The following FOXK1 variants were observed in gnomAD, a reference collection of about 807,000 sequenced individuals.
FOXK1 encodes the protein forkhead box protein K1.
A neutral mutation model predicts 51.9 loss-of-function variants in FOXK1; 19 were observed. The observed-to-expected ratio is 0.37, with a 90% CI of 0.26 to 0.54. FOXK1 has a LOEUF of 0.54. Among genes scored for constraint, FOXK1 ranks in the 20% least tolerant of loss-of-function variants. FOXK1 has a pLI of 0.87. For synonymous variants in FOXK1, 537 were observed against 482.6 expected, an observed-to-expected ratio of 1.11 and a Z score of -1.48; for missense variants, 870 against 1,032.7, an observed-to-expected ratio of 0.84 and a Z score of 2.16.
rs1177704349 is a variant in FOXK1 at position 4,707,267 on chromosome 7, G to C, written c.560+24399G>C. ...GGGGTGGTGTTCTGGTGGAGGGGAC[G>C]CTGGTAAAGAGCAGGTCTGGCTCAG... On this transcript the variant is annotated intron_variant, in intron 1 of 8. Coordinates refer to ENST00000328914, the MANE Select transcript of FOXK1 (RefSeq NM_001037165.2). The surrounding 1 kb of genome is among the most constrained non-coding windows in gnomAD (Gnocchi z 4.1). Among the ~76,000 whole-genome samples, 1 of 152,184 alleles carries C rather than the reference G, an allele frequency of 6.6e-6. No individual in the cohort carries two copies. The highest frequency in any genetic ancestry group is 2.4e-5 in the African/African-American group (1 of 41,434).
intron 1 of FOXK1, among the ~76,000 whole-genome samples, chr7:4,712,321 T>A (rs953966705): frequency 5.3e-5 from 8 of 152,064 alleles, no homozygotes; most frequent in African/African-American, 1.5e-4. Flanking sequence ...TTAAAGGGAA[T>A]GTAAAAAGGG....
At position 4,761,438 on chromosome 7, in the gene FOXK1, T is replaced by A; in HGVS notation, c.1921+150T>A. On this transcript the variant is annotated intron_variant, in intron 8 of 8. Coordinates refer to ENST00000328914, the MANE Select transcript of FOXK1 (RefSeq NM_001037165.2). This position sits in a 1 kb window ranked among gnomAD's most constrained non-coding sequence, Gnocchi z 6.2. ...TGCTATACTCCAGGCACTGGGGTAA[T>A]GCAAAGAAAAAGAGGGTGGAAGGGG... The A allele has an allele frequency of 6.8e-6, 6 of 883,914 alleles. No homozygotes were observed. Among genetic ancestry groups the A allele is most frequent in the Admixed American group, 4.9e-5 (2 of 41,208 alleles). 54.8% of individuals were successfully genotyped at this position (883,914 alleles called of 1,614,324 possible).
chr7:4,687,211 C>T (rs1024055704), intron 1 of FOXK1, among the ~76,000 whole-genome samples: 2 of 152,004 alleles, frequency 1.3e-5, no homozygotes, highest in Non-Finnish European at 1.5e-5. Context: ...GGATTACAGG[C>T]GTGAGCCACC....
chr7:4,707,611 A>G lies in FOXK1; in HGVS notation c.560+24743A>G, dbSNP rs1190975426. 2.0e-5 allele frequency among the ~76,000 whole-genome samples: 3 copies of G among 151,580 alleles called. No homozygotes were observed. The highest frequency in any genetic ancestry group is 4.9e-5 in the African/African-American group (2 of 41,202). ...GGGTTTTCCTGGAGAAGGCTGCCTC[A>G]CTGGGTCTTTGCAGTTGGCGTGTTC... On this transcript the variant is annotated intron_variant, in intron 1 of 8. Coordinates refer to ENST00000328914, the MANE Select transcript of FOXK1 (RefSeq NM_001037165.2). This position sits in a 1 kb window ranked among gnomAD's most constrained non-coding sequence, Gnocchi z 4.1.
Position 4,730,204 on chromosome 7 carries a change from C to G in FOXK1, c.561-10634C>G. 6.6e-6 allele frequency among the ~76,000 whole-genome samples: 1 copy of G among 152,172 alleles called. No homozygotes were observed. Among genetic ancestry groups the G allele is most frequent in the East Asian group, 1.9e-4 (1 of 5,196 alleles). ...ATTAGGCCCTATGAACGCATAAGAA[C>G]TTATAAACACTAAAACTGCTACCGG... is the stretch of plus-strand genomic sequence containing the variant. On this transcript the variant is annotated intron_variant, in intron 1 of 8. Transcript: ENST00000328914. The surrounding 1 kb of genome is among the most constrained non-coding windows in gnomAD (Gnocchi z 4.7).
In FOXK1 at chr7:4,713,329, A is replaced by AGATTCCCGCTCACTGG. The variant is rs570210842; in HGVS notation, c.561-27491_561-27476dup. On this transcript the variant is annotated intron_variant, in intron 1 of 8. Coordinates refer to ENST00000328914, the MANE Select transcript of FOXK1 (RefSeq NM_001037165.2). ...GGCGGGCTGGGATTCCCGCTCACTG[A>AGATTCCCGCTCACTGG]GATTCCCGCTCACTGGGATTCCCGC... 5.3e-3 allele frequency among the ~76,000 whole-genome samples: 778 copies of AGATTCCCGCTCACTGG among 145,946 alleles called. 6 individuals carry two copies. Among genetic ancestry groups the AGATTCCCGCTCACTGG allele is most frequent in the African/African-American group, 0.02 (718 of 35,758 alleles).
intron 7 of FOXK1, 79 bp downstream of exon 7, chr7:4,759,674 T>TGGCCTG: frequency 6.9e-7 from 1 of 1,452,588 alleles, no homozygotes; most frequent in Non-Finnish European, 9.2e-7. Flanking sequence ...GCAGCGCCAT[T>TGGCCTG]GGCCTGGGCC....
chr7:4,754,435 T>G (rs747446229), intron 2 of FOXK1, 24 bp from the exon 3 acceptor site: 11 of 1,608,816 alleles, frequency 6.8e-6, no homozygotes, highest in Non-Finnish European at 9.3e-6. Flanking sequence ...GCCATGAACT[T>G]ACAGTGTCCT....
chr7:4,767,324 G>A lies in FOXK1; in HGVS notation c.*4860G>A, dbSNP rs570693827. 1.3e-5 allele frequency: 2 copies of A among 152,424 alleles called. No homozygotes were observed. The highest frequency in any genetic ancestry group is 6.5e-5 in the Admixed American group (1 of 15,312). 9.4% of individuals were successfully genotyped at this position (152,424 alleles called of 1,614,324 possible). On this transcript the variant is annotated 3_prime_UTR_variant, in exon 9 of 9. Transcript: ENST00000328914. The surrounding 1 kb of genome is among the most constrained non-coding windows in gnomAD (Gnocchi z 6.6). ...TCGTCAGGCTCTTTGCAAACGCAGA[G>A]CCCCAGAACGCTGGATGGAGGCCTC...
intron 7 of FOXK1, 152 bp from the exon 8 acceptor site, chr7:4,760,912 C>T (rs1418625803): frequency 3.0e-6 from 2 of 667,710 alleles, no homozygotes; most frequent in Non-Finnish European, 5.3e-6. Context: ...TCTTCCCAAA[C>T]CTATTTCACC....
rs375878368 is a variant in FOXK1 at position 4,706,016 on chromosome 7, A to G, written c.560+23148A>G. Reference sequence around the variant, plus strand: ...TACGTATATATACGTATATATACGTATATATACGTGTATATACGTGTATAT... The same window carrying G: ...TACGTATATATACGTATATATACGTGTATATACGTGTATATACGTGTATAT... On this transcript the variant is annotated intron_variant, in intron 1 of 8. Coordinates refer to ENST00000328914, the MANE Select transcript of FOXK1 (RefSeq NM_001037165.2). Among the ~76,000 whole-genome samples, 220 of 77,316 alleles carry G rather than the reference A, an allele frequency of 2.8e-3. 2 individuals carry two copies. The highest frequency in any genetic ancestry group is 5.6e-3 in the Middle Eastern group (1 of 180). 50.7% of individuals were successfully genotyped at this position (77,316 alleles called of 152,430 possible). A position where few individuals can be genotyped will look rare whatever the true frequency, so the allele number is the denominator to read the frequency against.
rs534210715 is a variant in FOXK1, at chr7:4,731,226, C to T, written c.561-9612C>T. Reference sequence around the variant, plus strand: ...CTGCAAGTCAAGCTCTGCTGTTCCCCGGCCTTCCCTTGAGACTCTTGGGGG... The same window carrying T: ...CTGCAAGTCAAGCTCTGCTGTTCCCTGGCCTTCCCTTGAGACTCTTGGGGG... On this transcript the variant is annotated intron_variant, in intron 1 of 8. Transcript: ENST00000328914. This position sits in a 1 kb window ranked among gnomAD's most constrained non-coding sequence, Gnocchi z 5.3. Among the ~76,000 whole-genome samples the T allele has an allele frequency of 3.3e-5, 5 of 152,316 alleles. No individual in the cohort carries two copies. In the East Asian group the frequency reaches 5.8e-4, roughly 18 times the overall value.
chr7:4,682,799 G>A lies in FOXK1; in HGVS notation c.491G>A (p.Gly164Asp), dbSNP rs866663936. Residue 164 changes from glycine to aspartate, a missense_variant, in exon 1 of 9, where the codon GGC becomes GAC. Around this residue, in one of 3 missense-constraint regions of FOXK1, gnomAD observed 399 missense variants for 475.6 expected, o/e 0.84. Transcript: ENST00000328914. The surrounding 1 kb of genome is among the most constrained non-coding windows in gnomAD (Gnocchi z 7.6). Reference sequence around the variant, plus strand: ...CCGCACTTCTACCTGCGCTGCCTCGGCAAGAACGGCGTCTTCGTGGACGGG... The same window carrying A: ...CCGCACTTCTACCTGCGCTGCCTCGACAAGAACGGCGTCTTCGTGGACGGG... ...QEPHFYLRCL[G>D]KNGVFVDGAF... 6.3e-7 allele frequency: 1 copy of A among 1,588,516 alleles called. No homozygotes were observed.
rs576923852 is a variant in FOXK1, at chr7:4,745,416, C to G, written c.746+4393C>G. 6.6e-6 allele frequency among the ~76,000 whole-genome samples: 1 copy of G among 151,816 alleles called. No homozygotes were observed. Among genetic ancestry groups the G allele is most frequent in the African/African-American group, 2.4e-5 (1 of 41,410 alleles). Reference sequence around the variant, plus strand: ...CCCTGCGTCCTTCCTTTCCGTTTCTCGCAGGCCCTCGCTCCTTTTCCCAGG... The same window carrying G: ...CCCTGCGTCCTTCCTTTCCGTTTCTGGCAGGCCCTCGCTCCTTTTCCCAGG... On this transcript the variant is annotated intron_variant, in intron 2 of 8. Coordinates refer to ENST00000328914, the MANE Select transcript of FOXK1 (RefSeq NM_001037165.2). This position sits in a 1 kb window ranked among gnomAD's most constrained non-coding sequence, Gnocchi z 4.3.
At chr7:4,750,158 C>T (rs1378640186) in intron 2 of FOXK1, among the ~76,000 whole-genome samples, 1 of 152,240 alleles carries the variant, frequency 6.6e-6, no homozygotes, top group Non-Finnish European at 1.5e-5. Flanking sequence ...GAGCTGCTTA[C>T]TGTGCTTCTT....
Position 4,745,899 on chromosome 7 carries a change from T to G in FOXK1, c.746+4876T>G, listed in dbSNP as rs28627569. ...GACTCCATCTCAAAAAAAAAAGTGTTTTTAGGAAGGAATTAAAGTATTTAA... is the reference window on the plus strand; with the variant it reads ...GACTCCATCTCAAAAAAAAAAGTGTGTTTAGGAAGGAATTAAAGTATTTAA... On this transcript the variant is annotated intron_variant, in intron 2 of 8. Coordinates refer to ENST00000328914, the MANE Select transcript of FOXK1 (RefSeq NM_001037165.2). The surrounding 1 kb of genome is among the most constrained non-coding windows in gnomAD (Gnocchi z 4.3). Among the ~76,000 whole-genome samples, 1 of 152,036 alleles carries G rather than the reference T, an allele frequency of 6.6e-6. No homozygotes were observed. Among genetic ancestry groups the G allele is most frequent in the Non-Finnish European group, 1.5e-5 (1 of 68,010 alleles).
intron 1 of FOXK1, among the ~76,000 whole-genome samples, chr7:4,697,032 C>G (rs1180652699): frequency 6.6e-6 from 1 of 152,216 alleles, no homozygotes; most frequent in Non-Finnish European, 1.5e-5. Context: ...CATCCTGCCA[C>G]CGCACTCCAG....
chr7:4,705,983 CGTATATATACGTATATAT>C lies in FOXK1; in HGVS notation c.560+23116_560+23133del, dbSNP rs1780089692. Among the ~76,000 whole-genome samples the C allele has an allele frequency of 2.2e-5, 2 of 91,724 alleles. 1 individual carries two copies. Among genetic ancestry groups the C allele is most frequent in the South Asian group, 5.5e-4 (2 of 3,642 alleles). The allele number at this position is 91,724 out of a possible 152,430, so 60.2% of individuals were successfully genotyped here. A position where few individuals can be genotyped will look rare whatever the true frequency, so the allele number is the denominator to read the frequency against. ...ATGTATATATATATACGTATATATA[CGTATATATACGTATATAT>C]ACGTATATATACGTATATATACGTG... On this transcript the variant is annotated intron_variant, in intron 1 of 8. Transcript: ENST00000328914.
Position 4,769,777 on chromosome 7 carries a change from T to A in FOXK1, c.*7313T>A, listed in dbSNP as rs1403018631. ...TTTTGCTCCTTACCCAGTTTTTGTT[T>A]TTTGTTGTTTTGTTTTGTTTTAGCG... On this transcript the variant is annotated 3_prime_UTR_variant, in exon 9 of 9. Coordinates refer to ENST00000328914, the MANE Select transcript of FOXK1 (RefSeq NM_001037165.2). This position sits in a 1 kb window ranked among gnomAD's most constrained non-coding sequence, Gnocchi z 4.1. The A allele has an allele frequency of 6.6e-6, 1 of 152,170 alleles. No individual in the cohort carries two copies. Among genetic ancestry groups the A allele is most frequent in the East Asian group, 1.9e-4 (1 of 5,192 alleles). The allele number at this position is 152,170 out of a possible 1,614,324, so 9.4% of individuals were successfully genotyped here. A position where few individuals can be genotyped will look rare whatever the true frequency, so the allele number is the denominator to read the frequency against.
Sources: gnomAD v4.1 joint callset for allele counts (sites outside exome capture counted in the v4.1 genomes callset) on GRCh38, gnomAD v4.1.1 for gene constraint, gnomAD v4.1.1 regional missense constraint, Gnocchi (gnomAD v3.1) non-coding constraint, MANE v1.5 for transcripts, NCBI Gene and HGNC (gene_info 2026-07-23, HGNC 2026-07-21) for gene names.